EPB41: variants seen among roughly 807,000 people sequenced by gnomAD.
EPB41 encodes the protein erythrocyte membrane protein band 4.1.
Under a neutral mutation model 108.0 loss-of-function variants are expected in EPB41, and 65 were observed. That is an observed-to-expected ratio of 0.60 (90% CI 0.49 to 0.74). The LOEUF is 0.74. EPB41 is among the 30% of genes least tolerant of loss of function. The pLI is 0.00. For missense variants in EPB41, 875 were observed against 1,037.0 expected, an observed-to-expected ratio of 0.84 and a Z score of 2.15; for synonymous variants, 336 against 358.9, an observed-to-expected ratio of 0.94 and a Z score of 0.72.
chr1:28,949,368 G>A (rs1021273335), intron 1 of EPB41, among the ~76,000 whole-genome samples: 2 of 152,014 alleles, frequency 1.3e-5, no homozygotes, highest in African/African-American at 4.8e-5. Flanking sequence ...GTTGGAGCCT[G>A]GATCAAGGTT....
chr1:29,082,516 CA>C (rs1657138405), intron 16 of EPB41, among the ~76,000 whole-genome samples: 1 of 152,166 alleles, frequency 6.6e-6, no homozygotes, highest in Admixed American at 6.5e-5. Context: ...GAAATCCAGC[CA>C]AACAAATTCA....
At chr1:29,057,763 G>A (rs541607999) in intron 12 of EPB41, among the ~76,000 whole-genome samples, 28 of 152,158 alleles carry the variant, frequency 1.8e-4, no homozygotes, top group African/African-American at 6.5e-4. Flanking sequence ...CATTTTCTAT[G>A]TATAAAATGA....
intron 1 of EPB41, among the ~76,000 whole-genome samples, chr1:28,957,284 T>C (rs2094993927): frequency 6.6e-6 from 1 of 152,274 alleles, no homozygotes; most frequent in Admixed American, 6.5e-5. Flanking sequence ...GGGATGCCCA[T>C]TGATTTTTGC....
At chr1:28,974,872 G>A (rs1469900761) in intron 1 of EPB41, among the ~76,000 whole-genome samples, 2 of 151,102 alleles carry the variant, frequency 1.3e-5, no homozygotes, top group African/African-American at 4.9e-5. Context: ...TTGGCTCACT[G>A]CAACCTCCGC....
chr1:29,094,755 T>C (rs1259056480), intron 16 of EPB41, among the ~76,000 whole-genome samples: 1 of 152,176 alleles, frequency 6.6e-6, no homozygotes, highest in Non-Finnish European at 1.5e-5. Flanking sequence ...CTTTTAACTT[T>C]AGGAATAGGT....
chr1:28,923,028 G>T (rs1325570472), intron 1 of EPB41, among the ~76,000 whole-genome samples: 2 of 150,968 alleles, frequency 1.3e-5, no homozygotes, highest in African/African-American at 4.9e-5. Context: ...ACACTCAGCC[G>T]TGATGCACTG....
intron 16 of EPB41, among the ~76,000 whole-genome samples, chr1:29,086,473 C>T (rs2151329848): frequency 6.6e-6 from 1 of 152,012 alleles, no homozygotes; most frequent in Non-Finnish European, 1.5e-5. Flanking sequence ...GGGGTTTCAC[C>T]ATGTTGGCCA....
At chr1:28,999,877 G>A (rs2762681) in intron 4 of EPB41, among the ~76,000 whole-genome samples, 66,683 of 151,812 alleles carry the variant, frequency 0.44, 17,185 homozygotes, top group East Asian at 0.83. Context: ...TCTGCTTTCC[G>A]GGCTCAATCG....
At chr1:28,997,425 G>A in intron 4 of EPB41, 106 bp downstream of exon 4, 2 of 745,446 alleles carry the variant, frequency 2.7e-6, no homozygotes, top group Non-Finnish European at 4.8e-6. Context: ...TGTTCTTAGA[G>A]TTATTCCTGT....
At chr1:28,999,797 T>G (rs897565198) in intron 4 of EPB41, among the ~76,000 whole-genome samples, 1 of 152,170 alleles carries the variant, frequency 6.6e-6, no homozygotes, top group Non-Finnish European at 1.5e-5. Flanking sequence ...TTCACTTTTT[T>G]TTTTGAGACA....
intron 1 of EPB41, chr1:28,902,392 A>G: frequency 1.0e-6 from 1 of 985,176 alleles, no homozygotes; most frequent in Non-Finnish European, 1.2e-6. Context: ...ATTATTGGTA[A>G]TTAGCACTTA....
intron 1 of EPB41, among the ~76,000 whole-genome samples, chr1:28,954,795 A>G (rs1001282064): frequency 1.3e-5 from 2 of 152,220 alleles, no homozygotes; most frequent in South Asian, 2.1e-4. Flanking sequence ...TGACTTAGGC[A>G]TAGTTCCAAT....
In EPB41 at chr1:29,058,827, C is replaced by A. The variant is rs758741883; in HGVS notation, c.1919C>A (p.Thr640Asn). 2 of 1,549,372 alleles carry A rather than the reference C, an allele frequency of 1.3e-6. No individual in the cohort carries two copies. The highest frequency in any genetic ancestry group is 2.4e-5 in the South Asian group (2 of 83,010). ...GDQTQKLAEK[T>N]EDLIRMRKKK... Reference sequence around the variant, plus strand: ...GCAAAACAGAAGCTTGCAGAAAAAACTGAAGATCTGATAAGAATGAGGAAG... The same window carrying A: ...GCAAAACAGAAGCTTGCAGAAAAAAATGAAGATCTGATAAGAATGAGGAAG... Residue 640 changes from threonine (T) to asparagine (N), a missense_variant, in exon 14 of 21, where the codon ACT becomes AAT. Around this residue, in one of 3 missense-constraint regions of EPB41, gnomAD observed 519 missense variants for 627.3 expected, o/e 0.83. Transcript: ENST00000343067.
chr1:29,011,132 A>AG lies in EPB41; in HGVS notation c.787-733_787-732insG, dbSNP rs1214525477. Among the ~76,000 whole-genome samples the AG allele has an allele frequency of 2.6e-5, 4 of 150,954 alleles. No homozygotes were observed. The East Asian group carries it at 5.8e-4, about 22-fold the overall frequency. On this transcript the variant is annotated intron_variant, in intron 4 of 20. Transcript: ENST00000343067. Reference sequence around the variant, plus strand: ...AGAGTGAAACTCTGTCAAAAAAAAAAAAAAAAGAAAAAAAAGAAAAGAGTT... The same window carrying AG: ...AGAGTGAAACTCTGTCAAAAAAAAAAGAAAAAAGAAAAAAAAGAAAAGAGTT...
chr1:29,057,520 G>T (rs1032930092), intron 12 of EPB41, among the ~76,000 whole-genome samples: 1 of 151,876 alleles, frequency 6.6e-6, no homozygotes, highest in African/African-American at 2.4e-5. Flanking sequence ...TTTAGACTCA[G>T]TCTAGGGAAA....
chr1:29,064,618 T>C (rs1336179111), intron 15 of EPB41, among the ~76,000 whole-genome samples: 1 of 152,200 alleles, frequency 6.6e-6, no homozygotes, highest in Non-Finnish European at 1.5e-5. Flanking sequence ...AATAATTTCT[T>C]ATCAAGCTGA....
intron 11 of EPB41, among the ~76,000 whole-genome samples, chr1:29,040,781 C>T (rs534338444): frequency 1.4e-4 from 21 of 152,236 alleles, no homozygotes; most frequent in Admixed American, 1.1e-3. Context: ...GAGCCCATTA[C>T]TGAAACGAGG....
At chr1:28,974,718 A>T (rs1246710762) in intron 1 of EPB41, among the ~76,000 whole-genome samples, 1 of 152,108 alleles carries the variant, frequency 6.6e-6, no homozygotes, top group Non-Finnish European at 1.5e-5. Flanking sequence ...AGAATTAAGA[A>T]TTTAATTTTG....
intron 1 of EPB41, among the ~76,000 whole-genome samples, chr1:28,927,687 C>T (rs2093526308): frequency 6.6e-6 from 1 of 152,120 alleles, no homozygotes; most frequent in Non-Finnish European, 1.5e-5. Flanking sequence ...TTCTCCTTCT[C>T]CTCTTAAATG....
Sources: allele counts gnomAD v4.1 joint callset (sites outside exome capture counted in the v4.1 genomes callset), GRCh38; gene constraint gnomAD v4.1.1; regional missense constraint gnomAD v4.1.1; transcripts MANE v1.5; gene names NCBI Gene and HGNC (gene_info 2026-07-23, HGNC 2026-07-21).